CSMD1: variants seen among roughly 807,000 people sequenced by gnomAD.
CSMD1 encodes CUB and Sushi multiple domains 1.
Under a neutral mutation model 417.5 loss-of-function variants are expected in CSMD1, and 213 were observed. That is an observed-to-expected ratio of 0.51 (90% CI 0.46 to 0.57). The LOEUF is 0.57. CSMD1 is among the 20% of genes least tolerant of loss of function. The pLI, the probability that CSMD1 is intolerant of heterozygous loss-of-function variation, is 0.00. For synonymous variants in CSMD1, 2,862 were observed against 1,736.8 expected (o/e 1.65, Z -16.11); for missense variants, 6,923 against 4,529.7 (o/e 1.53, Z -15.17).
chr8:4,279,238 A>G (rs1796650035), intron 3 of CSMD1, among the ~76,000 whole-genome samples: 1 of 152,210 alleles, frequency 6.6e-6, no homozygotes. Context: ...AGTCGATGGC[A>G]CAAGTGTGCA....
chr8:3,991,217 GA>G (rs1243368702), intron 5 of CSMD1, among the ~76,000 whole-genome samples: 1 of 152,202 alleles, frequency 6.6e-6, no homozygotes, highest in Non-Finnish European at 1.5e-5. Context: ...GCATGTGAAA[GA>G]AAGCCACCAA....
intron 1 of CSMD1, among the ~76,000 whole-genome samples, chr8:4,726,588 G>T (rs1220176335): frequency 6.6e-6 from 1 of 152,106 alleles, no homozygotes; most frequent in Non-Finnish European, 1.5e-5. Flanking sequence ...GAGACGTCTA[G>T]GGCCTCCCAT....
rs184171006 is a variant in CSMD1 at position 3,251,531 on chromosome 8, T to A, written c.4154-21300A>T. On this transcript the variant is annotated intron_variant, in intron 26 of 69. Transcript: ENST00000635120. ...CAGCTTTGTTCTCTTGGCTTAGGAT[T>A]GACTTGGCGATGCGGGCTCTTTTTT... is the stretch of plus-strand genomic sequence containing the variant. Among the ~76,000 whole-genome samples, 299 of 152,300 alleles carry A rather than the reference T, an allele frequency of 2.0e-3. 2 individuals carry two copies. Among genetic ancestry groups the A allele is most frequent in the Middle Eastern group, 0.014 (4 of 294 alleles).
At chr8:4,049,289 TG>T (rs1462105507) in intron 3 of CSMD1, among the ~76,000 whole-genome samples, 2 of 152,092 alleles carry the variant, frequency 1.3e-5, no homozygotes, top group African/African-American at 4.8e-5. Context: ...GGAGATTGTC[TG>T]GCTGTAGGAC....
chr8:3,412,306 G>T (rs1337114285), intron 12 of CSMD1, among the ~76,000 whole-genome samples: 1 of 151,840 alleles, frequency 6.6e-6, no homozygotes, highest in Non-Finnish European at 1.5e-5. Context: ...ATATGTGTGT[G>T]CAAGTATCTT....
At chr8:4,758,625 C>T (rs1288341858) in intron 1 of CSMD1, among the ~76,000 whole-genome samples, 1 of 152,282 alleles carries the variant, frequency 6.6e-6, no homozygotes, top group Non-Finnish European at 1.5e-5. Context: ...TGACTCAGTT[C>T]CACATGGCTG....
chr8:4,130,179 T>C (rs1803011311), intron 3 of CSMD1, among the ~76,000 whole-genome samples: 1 of 152,150 alleles, frequency 6.6e-6, no homozygotes. Flanking sequence ...TTTTCCTTAG[T>C]TCTTTCTTTC....
In CSMD1 at chr8:3,762,098, C is replaced by G. The variant is rs139904589; in HGVS notation, c.819-8056G>C. The stretch of plus-strand genomic sequence containing the variant: ...TTCTAGTCTCCTGAGCCCTCCCACT[C>G]ACTCCAGCTTGGCTCATTCTGCTTT... On this transcript the variant is annotated intron_variant, in intron 5 of 69. Transcript: ENST00000635120. Among the ~76,000 whole-genome samples the G allele has an allele frequency of 1.6e-3, 250 of 152,266 alleles. 1 individual carries two copies. The highest frequency in any genetic ancestry group is 5.7e-3 in the African/African-American group (237 of 41,562).
intron 4 of CSMD1, among the ~76,000 whole-genome samples, chr8:4,026,971 G>C (rs776262182): frequency 6.6e-6 from 1 of 152,146 alleles, no homozygotes; most frequent in Non-Finnish European, 1.5e-5. Flanking sequence ...TGCAGTGTTT[G>C]CCAATTCTTA....
At position 3,574,959 on chromosome 8, in the gene CSMD1, T is replaced by C. The variant is rs748638269; in HGVS notation, c.1330A>G (p.Thr444Ala). The C allele has an allele frequency of 6.2e-7, 1 of 1,612,366 alleles. No homozygotes were observed. Residue 444 changes from threonine (T) to alanine (A), a missense_variant, in exon 10 of 70, where the codon ACC becomes GCC. Thr to Ala is a moderately conservative substitution (Grantham distance 58). Transcript: ENST00000635120. ...NAHCVWVITT[T>A]DPDKVIKLAF... Reference sequence around the variant, plus strand: ...CGGAGCCTTACCTTGTCCGGGTCGGTGGTGGTGATGACCCACACACAGTGT... The same window carrying C: ...CGGAGCCTTACCTTGTCCGGGTCGGCGGTGGTGATGACCCACACACAGTGT...
At chr8:3,346,424 C>T (rs529823175) in intron 22 of CSMD1, among the ~76,000 whole-genome samples, 83 of 152,242 alleles carry the variant, frequency 5.5e-4, no homozygotes, top group African/African-American at 1.9e-3. Context: ...AATTCAGTTG[C>T]GATGTAACTA....
chr8:4,028,220 A>C lies in CSMD1; in HGVS notation c.610+3685T>G, dbSNP rs185093640. Among the ~76,000 whole-genome samples the C allele has an allele frequency of 5.4e-3, 816 of 152,362 alleles. 5 individuals are homozygous for C. Among genetic ancestry groups the C allele is most frequent in the Middle Eastern group, 0.031 (9 of 294 alleles). ...TGAATTTCTCTAGGACAGAGGAATA[A>C]TTCAAATACGATTAATCCCAAATCT... On this transcript the variant is annotated intron_variant, in intron 4 of 69. Transcript: ENST00000635120.
At chr8:4,637,064 C>T (rs1215203793) in intron 2 of CSMD1, among the ~76,000 whole-genome samples, 1 of 152,106 alleles carries the variant, frequency 6.6e-6, no homozygotes, top group Non-Finnish European at 1.5e-5. Flanking sequence ...GGCACAAAAG[C>T]AGCCCAACGG....
intron 1 of CSMD1, among the ~76,000 whole-genome samples, chr8:4,983,645 C>T (rs559361250): frequency 6.6e-6 from 1 of 152,272 alleles, no homozygotes; most frequent in Non-Finnish European, 1.5e-5. Context: ...GCCTCAACCT[C>T]CCATGTAGCT....
chr8:3,775,836 G>T (rs931281565), intron 5 of CSMD1, among the ~76,000 whole-genome samples: 1 of 152,188 alleles, frequency 6.6e-6, no homozygotes, highest in Non-Finnish European at 1.5e-5. Context: ...CCGCCAACGC[G>T]CAGGGTTGTT....
chr8:4,544,207 G>C (rs538006986), intron 2 of CSMD1, among the ~76,000 whole-genome samples: 12 of 152,082 alleles, frequency 7.9e-5, no homozygotes, highest in African/African-American at 2.9e-4. Context: ...AGCCATCTGA[G>C]TTTCCTCCTT....
At chr8:4,956,606 T>C (rs900322669) in intron 1 of CSMD1, among the ~76,000 whole-genome samples, 29 of 145,128 alleles carry the variant, frequency 2.0e-4, no homozygotes, top group African/African-American at 8.2e-4. Flanking sequence ...CAGATATTTT[T>C]ATTTTATAAA....
At chr8:4,821,635 C>T (rs751008773) in intron 1 of CSMD1, among the ~76,000 whole-genome samples, 1 of 152,048 alleles carries the variant, frequency 6.6e-6, no homozygotes, top group Non-Finnish European at 1.5e-5. Context: ...GGGAAGTTTA[C>T]TTCACCTAAT....
At chr8:3,978,339 T>C (rs1252142762) in intron 5 of CSMD1, among the ~76,000 whole-genome samples, 1 of 152,172 alleles carries the variant, frequency 6.6e-6, no homozygotes, top group Non-Finnish European at 1.5e-5. Context: ...CTTTTTTCCT[T>C]TTTGGTAAGC....
Sources: gnomAD v4.1 joint callset for allele counts (sites outside exome capture counted in the v4.1 genomes callset) on GRCh38, gnomAD v4.1.1 for gene constraint, MANE v1.5 for transcripts, NCBI Gene and HGNC (gene_info 2026-07-23, HGNC 2026-07-21) for gene names.